DGKI: variants seen among roughly 807,000 people sequenced by gnomAD.
The protein encoded by DGKI is DAG kinase iota.
In DGKI, 55 loss-of-function variants were observed where a neutral mutation model predicts 147.5. The observed-to-expected ratio is 0.37, with a 90% CI of 0.30 to 0.47. The LOEUF (loss-of-function observed/expected upper bound fraction) is 0.47. Ranked by LOEUF, DGKI falls within the 20% of genes least tolerant of loss-of-function variation. The pLI, the probability that DGKI is intolerant of heterozygous loss-of-function variation, is 1.00. For missense variants in DGKI, 1,007 were observed against 1,323.8 expected (o/e 0.76, Z 3.71); for synonymous variants, 469 against 477.1 (o/e 0.98, Z 0.22).
At chr7:137,814,536 A>G (rs1002941379) in intron 1 of DGKI, among the ~76,000 whole-genome samples, 1 of 152,132 alleles carries the variant, frequency 6.6e-6, no homozygotes, top group Non-Finnish European at 1.5e-5. Flanking sequence ...CACTCCCCAT[A>G]GCATTCTCAG....
chr7:137,457,155 G>C (rs959306741), intron 27 of DGKI, among the ~76,000 whole-genome samples: 3 of 152,142 alleles, frequency 2.0e-5, no homozygotes, highest in Non-Finnish European at 1.5e-5. Context: ...ATTGAGCCCA[G>C]TCAAAGGTAA....
intron 27 of DGKI, among the ~76,000 whole-genome samples, chr7:137,463,083 T>A (rs1336852991): frequency 6.6e-6 from 1 of 152,154 alleles, no homozygotes; most frequent in Non-Finnish European, 1.5e-5. Flanking sequence ...TGAGGACCAC[T>A]GAAACAGCAA....
intron 3 of DGKI, among the ~76,000 whole-genome samples, chr7:137,675,930 T>C (rs537790613): frequency 1.1e-4 from 17 of 152,310 alleles, no homozygotes; most frequent in African/African-American, 4.1e-4. Flanking sequence ...GACATCTCTC[T>C]GCCTTCGCTC....
At chr7:137,680,247 C>G (rs1275215073) in intron 2 of DGKI, among the ~76,000 whole-genome samples, 1 of 152,168 alleles carries the variant, frequency 6.6e-6, no homozygotes, top group East Asian at 1.9e-4. Flanking sequence ...AATCTGCCAG[C>G]ACCTTGACCT....
chr7:137,601,340 T>A (rs1219048136), intron 10 of DGKI, among the ~76,000 whole-genome samples: 1 of 152,002 alleles, frequency 6.6e-6, no homozygotes, highest in African/African-American at 2.4e-5. Context: ...GCTTTAAAAA[T>A]CAGTAGGATG....
At chr7:137,440,168 A>G (rs754939461) in intron 28 of DGKI, among the ~76,000 whole-genome samples, 12 of 152,176 alleles carry the variant, frequency 7.9e-5, no homozygotes, top group Non-Finnish European at 1.3e-4. Context: ...TACAGAGGAA[A>G]TGCAGAGGAC....
rs554014500 is a variant in DGKI, at chr7:137,561,195, T to TA, written c.1948-8628dup. Among the ~76,000 whole-genome samples, 626 of 140,580 alleles carry TA rather than the reference T, an allele frequency of 4.5e-3. 1 individual carries two copies. The highest frequency in any genetic ancestry group is 6.8e-3 in the Non-Finnish European group (436 of 63,724). 92.2% of individuals were successfully genotyped at this position (140,580 alleles called of 152,430 possible). On this transcript the variant is annotated intron_variant, in intron 19 of 32. Coordinates refer to ENST00000614521, the MANE Select transcript of DGKI (RefSeq NM_001321708.2). Reference sequence around the variant, plus strand: ...TGCCTAGGTGTCCAACAACAAAAAATAAAAAAAAAAATGTAGTATGTATAC... The same window carrying TA: ...TGCCTAGGTGTCCAACAACAAAAAATAAAAAAAAAAAATGTAGTATGTATAC...
chr7:137,506,515 T>C (rs1401395302), intron 21 of DGKI, among the ~76,000 whole-genome samples: 2 of 152,162 alleles, frequency 1.3e-5, no homozygotes, highest in African/African-American at 4.8e-5. Context: ...TACAATACAA[T>C]AATGACTGCA....
intron 14 of DGKI, among the ~76,000 whole-genome samples, chr7:137,584,186 T>C (rs1232437479): frequency 6.6e-6 from 1 of 152,160 alleles, no homozygotes; most frequent in Non-Finnish European, 1.5e-5. Flanking sequence ...CCATTTAAAG[T>C]ACAGATGTCT....
At position 137,538,758 on chromosome 7, in the gene DGKI, C is replaced by T. The variant is rs139839716; in HGVS notation, c.2147+13611G>A. On this transcript the variant is annotated intron_variant, in intron 20 of 32. Coordinates refer to ENST00000614521, the MANE Select transcript of DGKI (RefSeq NM_001321708.2). ...AGCATTATTTCTTCCCCACTGCATG[C>T]GGCTATACAATGTGGACAGGTTTCA... Among the ~76,000 whole-genome samples the T allele has an allele frequency of 2.3e-4, 35 of 152,214 alleles. 1 individual carries two copies. In the South Asian group the frequency reaches 5.6e-3, roughly 24 times the overall value.
At chr7:137,541,220 A>C (rs1817691271) in intron 20 of DGKI, among the ~76,000 whole-genome samples, 1 of 152,186 alleles carries the variant, frequency 6.6e-6, no homozygotes, top group African/African-American at 2.4e-5. Flanking sequence ...TAGAGTCTAC[A>C]CTGGATCTGT....
chr7:137,595,128 A>G (rs1819740162), intron 12 of DGKI, among the ~76,000 whole-genome samples: 1 of 152,236 alleles, frequency 6.6e-6, no homozygotes. Flanking sequence ...TACCTACCAC[A>G]TTAAAAAAAT....
At chr7:137,605,355 TAAAATAAAATAAAATAAAATAAAAA>T (rs1820144847) in intron 10 of DGKI, among the ~76,000 whole-genome samples, 3 of 145,426 alleles carry the variant, frequency 2.1e-5, no homozygotes, top group African/African-American at 8.0e-5. Context: ...TAAAATAAAA[TAAAATAAAATAAAATAAAATAAAAA>T]AAGTTGAAAT....
intron 1 of DGKI, among the ~76,000 whole-genome samples, chr7:137,775,270 G>A (rs533030104): frequency 1.0e-3 from 158 of 152,174 alleles, no homozygotes; most frequent in Middle Eastern, 6.8e-3. Context: ...TTCCTGGGAG[G>A]ACCGTAATGA....
rs188652915 is a variant in DGKI at position 137,653,318 on chromosome 7, T to C, written c.738+1414A>G. Among the ~76,000 whole-genome samples, 311 of 152,374 alleles carry C rather than the reference T, an allele frequency of 2.0e-3. 1 individual carries two copies. In the Middle Eastern group the frequency reaches 0.044, roughly 22 times the overall value. On this transcript the variant is annotated intron_variant, in intron 5 of 32. Transcript: ENST00000614521. ...TTGCCTAGATTACTAGCATGGCTTC[T>C]GAAAGTTGTCTCTATGCCTCCAACT...
At chr7:137,844,533 T>C (rs753485430) in intron 1 of DGKI, among the ~76,000 whole-genome samples, 2 of 152,192 alleles carry the variant, frequency 1.3e-5, no homozygotes, top group African/African-American at 4.8e-5. Flanking sequence ...GATGCAGGAA[T>C]TGGAGACTGT....
intron 1 of DGKI, among the ~76,000 whole-genome samples, chr7:137,787,938 T>C (rs1317288357): frequency 2.6e-5 from 4 of 152,192 alleles, no homozygotes; most frequent in Admixed American, 2.6e-4. Context: ...TTGGGTACAG[T>C]GTACACTGCT....
intron 3 of DGKI, among the ~76,000 whole-genome samples, chr7:137,667,354 T>C (rs1415270557): frequency 1.3e-5 from 2 of 152,066 alleles, no homozygotes; most frequent in Non-Finnish European, 2.9e-5. Context: ...ACAGAAGTCA[T>C]AACAAAACAA....
At chr7:137,727,613 T>C (rs1448687273) in intron 1 of DGKI, among the ~76,000 whole-genome samples, 2 of 152,312 alleles carry the variant, frequency 1.3e-5, no homozygotes, top group South Asian at 2.1e-4. Flanking sequence ...CCCGAATGAC[T>C]AAAATCAGAA....
Sources: allele counts gnomAD v4.1 joint callset (sites outside exome capture counted in the v4.1 genomes callset), GRCh38; gene constraint gnomAD v4.1.1; transcripts MANE v1.5; gene names NCBI Gene and HGNC (gene_info 2026-07-23, HGNC 2026-07-21).